Variants in CAMKMT observed in about 807,000 individuals in gnomAD.
CAMKMT encodes calmodulin-lysine N-methyltransferase.
CAMKMT carries 53 observed loss-of-function variants against 48.0 expected under a neutral mutation model. That is an observed-to-expected ratio of 1.10 (90% CI 0.89 to 1.39). CAMKMT has a LOEUF of 1.39. Among genes scored for constraint, CAMKMT ranks in the 40% most tolerant of loss-of-function variants. CAMKMT has a pLI of 0.00. For synonymous variants in CAMKMT, 165 were observed against 152.3 expected, an observed-to-expected ratio of 1.08 and a Z score of -0.61; for missense variants, 428 against 402.7, an observed-to-expected ratio of 1.06 and a Z score of -0.54.
At chr2:44,507,333 A>G (rs1286843313) in intron 3 of CAMKMT, among the ~76,000 whole-genome samples, 19 of 152,216 alleles carry the variant, frequency 1.2e-4, no homozygotes, top group Admixed American at 1.2e-3. Context: ...AATGACCTTC[A>G]CTCAGAACCA....
intron 2 of CAMKMT, among the ~76,000 whole-genome samples, chr2:44,379,292 T>A (rs910581434): frequency 3.3e-5 from 5 of 152,350 alleles, no homozygotes; most frequent in Non-Finnish European, 2.9e-5. Flanking sequence ...ATGGCTAATG[T>A]ATTTTGTTTT....
chr2:44,670,853 C>G (rs74792067), intron 3 of CAMKMT, among the ~76,000 whole-genome samples: 72 of 152,246 alleles, frequency 4.7e-4, no homozygotes, highest in Non-Finnish European at 7.8e-4. Context: ...TTCTGAACAT[C>G]TTTCGCCAAT....
chr2:44,500,520 A>C (rs2104739587), intron 3 of CAMKMT, among the ~76,000 whole-genome samples: 1 of 152,240 alleles, frequency 6.6e-6, no homozygotes, highest in Admixed American at 6.5e-5. Context: ...CAAGTTTTTA[A>C]ATAAGATAAT....
intron 3 of CAMKMT, among the ~76,000 whole-genome samples, chr2:44,514,676 C>T (rs952509036): frequency 2.0e-5 from 3 of 152,184 alleles, no homozygotes; most frequent in Non-Finnish European, 4.4e-5. Context: ...TGCTCTGTTT[C>T]CAGCTCCTAG....
chr2:44,673,063 A>G (rs1367990784), intron 3 of CAMKMT, among the ~76,000 whole-genome samples: 1 of 152,140 alleles, frequency 6.6e-6, no homozygotes, highest in African/African-American at 2.4e-5. Context: ...TCCTCCATAT[A>G]TATGATTTTG....
At chr2:44,707,328 A>C in intron 5 of CAMKMT, 71 bp from the exon 6 acceptor site, 2 of 1,327,818 alleles carry the variant, frequency 1.5e-6, no homozygotes, top group Non-Finnish European at 2.2e-6. Context: ...AAGGCTTGTC[A>C]CTCCTGTCTT....
intron 3 of CAMKMT, among the ~76,000 whole-genome samples, chr2:44,619,457 A>ATG (rs543710828): frequency 0.015 from 1,524 of 101,814 alleles, 9 homozygotes; most frequent in Admixed American, 0.031. Flanking sequence ...TTAGCTGATT[A>ATG]TGTGTGTATA....
At chr2:44,455,250 T>G (rs895079092) in intron 3 of CAMKMT, among the ~76,000 whole-genome samples, 3 of 152,156 alleles carry the variant, frequency 2.0e-5, no homozygotes, top group African/African-American at 7.2e-5. Flanking sequence ...AGATAGATTT[T>G]TTTTAGAAGG....
chr2:44,596,482 A>G (rs1670675294), intron 3 of CAMKMT, among the ~76,000 whole-genome samples: 1 of 152,094 alleles, frequency 6.6e-6, no homozygotes, highest in South Asian at 2.1e-4. Context: ...GAAAAGAAAG[A>G]AAAAGACAAA....
intron 3 of CAMKMT, among the ~76,000 whole-genome samples, chr2:44,625,907 C>T (rs1672455355): frequency 1.3e-5 from 2 of 152,106 alleles, no homozygotes; most frequent in African/African-American, 4.8e-5. Flanking sequence ...GTTTTGATTA[C>T]TGTAGATTTA....
At chr2:44,680,457 C>G (rs1437583459) in intron 3 of CAMKMT, among the ~76,000 whole-genome samples, 1 of 152,180 alleles carries the variant, frequency 6.6e-6, no homozygotes, top group East Asian at 1.9e-4. Flanking sequence ...CTTCTGCCAG[C>G]TTGTACAAAG....
At chr2:44,481,492 T>C (rs964736361) in intron 3 of CAMKMT, among the ~76,000 whole-genome samples, 5 of 152,032 alleles carry the variant, frequency 3.3e-5, no homozygotes. Context: ...ACAAGATAAA[T>C]TCCATTTTTA....
intron 3 of CAMKMT, among the ~76,000 whole-genome samples, chr2:44,622,540 G>A (rs1235320630): frequency 6.6e-6 from 1 of 152,052 alleles, no homozygotes; most frequent in African/African-American, 2.4e-5. Flanking sequence ...TCCCATCTTT[G>A]AATCTGTGTG....
chr2:44,442,500 G>C (rs1666728910), intron 3 of CAMKMT, among the ~76,000 whole-genome samples: 1 of 152,064 alleles, frequency 6.6e-6, no homozygotes, highest in Admixed American at 6.6e-5. Context: ...TGGTTTCTAG[G>C]CACTAAACGT....
intron 3 of CAMKMT, among the ~76,000 whole-genome samples, chr2:44,481,117 A>G (rs897274887): frequency 6.6e-6 from 1 of 152,180 alleles, no homozygotes; most frequent in African/African-American, 2.4e-5. Flanking sequence ...CATTTGGTGG[A>G]TGTGAAAGGA....
chr2:44,617,791 G>T (rs1034767039), intron 3 of CAMKMT, among the ~76,000 whole-genome samples: 2 of 152,216 alleles, frequency 1.3e-5, no homozygotes, highest in African/African-American at 4.8e-5. Flanking sequence ...CGTGACTTCT[G>T]CAGGAAGGTA....
intron 3 of CAMKMT, among the ~76,000 whole-genome samples, chr2:44,536,320 A>G (rs1332115787): frequency 2.6e-5 from 4 of 151,912 alleles, no homozygotes; most frequent in South Asian, 2.1e-4. Context: ...CCCTATTAAA[A>G]TACCAACTTT....
At chr2:44,519,216 A>G (rs965945531) in intron 3 of CAMKMT, among the ~76,000 whole-genome samples, 3 of 152,204 alleles carry the variant, frequency 2.0e-5, no homozygotes, top group Non-Finnish European at 4.4e-5. Context: ...TTCCAGACTC[A>G]TGGTGAAATA....
In CAMKMT at chr2:44,489,738, T is replaced by G. The variant is rs190325104; in HGVS notation, c.376+99433T>G. Among the ~76,000 whole-genome samples the G allele has an allele frequency of 3.1e-3, 468 of 152,220 alleles. 2 individuals are homozygous for G. The highest frequency in any genetic ancestry group is 0.014 in the Middle Eastern group (4 of 294). On this transcript the variant is annotated intron_variant, in intron 3 of 10. Coordinates refer to ENST00000378494, the MANE Select transcript of CAMKMT (RefSeq NM_024766.5). ...GAATGGAAAAAATAATGGTAACATA[T>G]TAGAAAAATTGGATTATTGTAAAAA...
Sources: allele counts gnomAD v4.1 joint callset (sites outside exome capture counted in the v4.1 genomes callset), GRCh38; gene constraint gnomAD v4.1.1; transcripts MANE v1.5; gene names NCBI Gene and HGNC (gene_info 2026-07-23, HGNC 2026-07-21).